The following CFAP299 variants were observed in gnomAD, a reference collection of about 807,000 sequenced individuals.
CFAP299 encodes the protein cilia and flagella associated protein 299, also known as cilia- and flagella-associated protein 299.
CFAP299 carries 21 observed loss-of-function variants against 27.0 expected under a neutral mutation model. The observed-to-expected ratio is 0.78, with a 90% CI of 0.55 to 1.12. The LOEUF (loss-of-function observed/expected upper bound fraction) is 1.12, where lower values mean the gene tolerates loss of function less well. Among genes scored for constraint, CFAP299 ranks in the 50% most tolerant of loss-of-function variants. The pLI is 0.00. For missense variants in CFAP299, 310 were observed against 276.6 expected (o/e 1.12, Z -0.86); for synonymous variants, 104 against 98.1 (o/e 1.06, Z -0.36).
intron 5 of CFAP299, among the ~76,000 whole-genome samples, chr4:80,947,767 C>A (rs933701791): frequency 1.3e-5 from 2 of 152,076 alleles, no homozygotes; most frequent in Non-Finnish European, 2.9e-5. Flanking sequence ...TTATTGTGGA[C>A]AAGATGTATT....
At chr4:80,665,705 C>A (rs1741112311) in intron 3 of CFAP299, among the ~76,000 whole-genome samples, 1 of 152,102 alleles carries the variant, frequency 6.6e-6, no homozygotes, top group Non-Finnish European at 1.5e-5. Flanking sequence ...TGTACCCACC[C>A]AAATTACATG....
At chr4:80,404,819 A>G (rs1485144112) in intron 2 of CFAP299, among the ~76,000 whole-genome samples, 1 of 152,138 alleles carries the variant, frequency 6.6e-6, no homozygotes, top group African/African-American at 2.4e-5. Flanking sequence ...TTGCTGTATT[A>G]TAGTATTTTT....
At chr4:80,942,807 T>C (rs1180034830) in intron 4 of CFAP299, among the ~76,000 whole-genome samples, 3 of 152,228 alleles carry the variant, frequency 2.0e-5, no homozygotes, top group African/African-American at 7.2e-5. Flanking sequence ...GGAGAATATA[T>C]GTACAGTTGA....
chr4:80,351,983 AC>A (rs1723036475), intron 1 of CFAP299, among the ~76,000 whole-genome samples: 1 of 151,640 alleles, frequency 6.6e-6, no homozygotes, highest in Non-Finnish European at 1.5e-5. Context: ...TATGTATTAT[AC>A]AAGCATAAAG....
At chr4:80,527,126 T>A (rs1733230545) in intron 2 of CFAP299, among the ~76,000 whole-genome samples, 1 of 152,156 alleles carries the variant, frequency 6.6e-6, no homozygotes, top group African/African-American at 2.4e-5. Context: ...ATTCAAGAAA[T>A]GTTAACAATT....
chr4:80,910,936 C>T (rs1259772370), intron 4 of CFAP299, among the ~76,000 whole-genome samples: 1 of 152,020 alleles, frequency 6.6e-6, no homozygotes, highest in Non-Finnish European at 1.5e-5. Context: ...ATTGGAAATG[C>T]TTCCACATAA....
intron 3 of CFAP299, among the ~76,000 whole-genome samples, chr4:80,729,590 A>T (rs1043161295): frequency 2.6e-4 from 33 of 127,278 alleles, no homozygotes; most frequent in Admixed American, 4.4e-4. Context: ...ATGCTTCAGC[A>T]TCTTTTTTTT....
chr4:80,815,316 C>G (rs1729367469), intron 3 of CFAP299, among the ~76,000 whole-genome samples: 1 of 151,554 alleles, frequency 6.6e-6, no homozygotes. Context: ...TATATATATT[C>G]AGCTTATATA....
intron 3 of CFAP299, among the ~76,000 whole-genome samples, chr4:80,597,884 G>C (rs1737139746): frequency 6.6e-6 from 1 of 152,030 alleles, no homozygotes; most frequent in African/African-American, 2.4e-5. Flanking sequence ...ACTGGGTTTT[G>C]CCATGTTGGC....
chr4:80,337,419 A>G (rs955270158), intron 1 of CFAP299, among the ~76,000 whole-genome samples: 18 of 147,618 alleles, frequency 1.2e-4, no homozygotes, highest in Non-Finnish European at 3.0e-5. Flanking sequence ...TTTTTTTGAG[A>G]TAGAGTTTCA....
intron 3 of CFAP299, among the ~76,000 whole-genome samples, chr4:80,664,463 A>C (rs1220317548): frequency 6.6e-6 from 1 of 152,178 alleles, no homozygotes; most frequent in East Asian, 1.9e-4. Flanking sequence ...CTAGAGAGGC[A>C]GTGGCTTTAC....
At chr4:80,497,205 G>A (rs780862336) in intron 2 of CFAP299, among the ~76,000 whole-genome samples, 5 of 152,166 alleles carry the variant, frequency 3.3e-5, no homozygotes, top group Non-Finnish European at 7.4e-5. Context: ...AGGAGTTCAA[G>A]GCTGCAGTGA....
intron 2 of CFAP299, among the ~76,000 whole-genome samples, chr4:80,512,460 G>A (rs138688694): frequency 7.4e-4 from 113 of 152,186 alleles, no homozygotes; most frequent in African/African-American, 2.5e-3. Context: ...ACTCTAAATG[G>A]TAGCCTAAGG....
intron 2 of CFAP299, among the ~76,000 whole-genome samples, chr4:80,409,788 A>G (rs1027511870): frequency 6.6e-6 from 1 of 152,210 alleles, no homozygotes; most frequent in Admixed American, 6.5e-5. Context: ...ATACATGAGT[A>G]CAAAGCAAGA....
chr4:80,534,197 T>C (rs143618074), intron 2 of CFAP299, among the ~76,000 whole-genome samples: 210 of 152,038 alleles, frequency 1.4e-3, no homozygotes, highest in African/African-American at 4.6e-3. Flanking sequence ...ATTTCTATCT[T>C]TGATAAAATC....
intron 2 of CFAP299, among the ~76,000 whole-genome samples, chr4:80,574,998 A>T (rs1237751922): frequency 1.3e-5 from 2 of 152,034 alleles, no homozygotes; most frequent in African/African-American, 2.4e-5. Flanking sequence ...GAATTACTCT[A>T]TCCTTTTCTA....
At chr4:80,658,130 G>T (rs1740659667) in intron 3 of CFAP299, among the ~76,000 whole-genome samples, 1 of 152,026 alleles carries the variant, frequency 6.6e-6, no homozygotes, top group Admixed American at 6.6e-5. Flanking sequence ...GGAGATTTTG[G>T]GCTGAGACGA....
At chr4:80,914,750 C>A (rs1198241972) in intron 4 of CFAP299, among the ~76,000 whole-genome samples, 2 of 152,114 alleles carry the variant, frequency 1.3e-5, no homozygotes, top group Non-Finnish European at 2.9e-5. Flanking sequence ...TCTGAGCTGT[C>A]AAATTTATTA....
chr4:80,722,972 T>C (rs1051699217), intron 3 of CFAP299, among the ~76,000 whole-genome samples: 2 of 152,132 alleles, frequency 1.3e-5, no homozygotes, highest in South Asian at 2.1e-4. Flanking sequence ...AGAAGACAGA[T>C]GGATGGCAAT....
Sources: allele counts gnomAD v4.1 joint callset (sites outside exome capture counted in the v4.1 genomes callset), GRCh38; gene constraint gnomAD v4.1.1; transcripts MANE v1.5; gene names NCBI Gene and HGNC (gene_info 2026-07-23, HGNC 2026-07-21).